INF2: variants seen among roughly 807,000 people sequenced by gnomAD.
The protein encoded by INF2 is inverted formin 2, also known as inverted formin-2.
A neutral mutation model predicts 123.5 loss-of-function variants in INF2; 43 were observed. The ratio of observed to expected loss-of-function variants is 0.35; its 90% CI spans 0.27 to 0.45. The LOEUF (loss-of-function observed/expected upper bound fraction) is 0.45, where lower values mean the gene tolerates loss of function less well. INF2 is among the 20% of genes least tolerant of loss of function. The pLI is 1.00. For missense variants in INF2, 1,453 were observed against 1,682.7 expected, an observed-to-expected ratio of 0.86 and a Z score of 2.39; for synonymous variants, 851 against 745.0, an observed-to-expected ratio of 1.14 and a Z score of -2.32.
chr14:104,712,484 T>C lies in INF2; in HGVS notation c.2541T>C (p.Leu847=). ...AGGCCAGCTCCAACCTGAAGAAGCT[T>C]CTGGAGACCGAGCGGAAGGTGTCTG... ...RSEASSNLKK[L]LETERKVSAS... The change falls in exon 17 of 23, where the codon CTT becomes CTC. Residue 847 remains leucine, a synonymous_variant. Transcript: ENST00000392634. The C allele has an allele frequency of 6.2e-7, 1 of 1,612,660 alleles. No individual in the cohort carries two copies. The highest frequency in any genetic ancestry group is 2.2e-5 in the East Asian group (1 of 44,868).
chr14:104,706,391 G>C (rs544183863), intron 6 of INF2, among the ~76,000 whole-genome samples: 3 of 152,176 alleles, frequency 2.0e-5, no homozygotes, highest in African/African-American at 7.2e-5. Flanking sequence ...TGGGGGCCGG[G>C]CTGGGCCCTG....
chr14:104,715,979 G>A (rs1890283326), intron 22 of INF2: 2 of 455,840 alleles, frequency 4.4e-6, no homozygotes, highest in Non-Finnish European at 8.8e-6. Context: ...CGCACACCGA[G>A]TCTTCTGGGG....
At chr14:104,698,406 G>A (rs924554025) in intron 1 of INF2, among the ~76,000 whole-genome samples, 3 of 152,262 alleles carry the variant, frequency 2.0e-5, no homozygotes, top group African/African-American at 7.2e-5. Context: ...CGCCACCCGC[G>A]TTTAGCAGAG....
Position 104,707,255 on chromosome 14 carries a change from C to T in INF2, c.988C>T (p.Gln330Ter), listed in dbSNP as rs1364651157. Residue 330 changes from glutamine (Q) to a stop codon, truncating the protein, a stop_gained and splice_region_variant, in exon 8 of 23, where the codon CAG becomes TAG. Transcript: ENST00000392634. LOFTEE classifies it high-confidence loss of function. ...NRAVLLASDA[Q>*]ECTLEEVVER... ...ACCCTGGACATCCCCTACTGCAGCC[C>T]AGGAATGCACCCTGGAGGAAGTGGT... 6.2e-7 allele frequency: 1 copy of T among 1,608,178 alleles called. No individual in the cohort carries two copies. Among genetic ancestry groups the T allele is most frequent in the Admixed American group, 1.7e-5 (1 of 59,560 alleles).
In INF2 at chr14:104,706,982, C is replaced by T. The variant is rs542700662; in HGVS notation, c.916C>T (p.Arg306Cys). The T allele has an allele frequency of 2.1e-5, 34 of 1,599,634 alleles. No homozygotes were observed. The East Asian group carries it at 2.5e-4, about 12-fold the overall frequency. The change falls in exon 7 of 23, where the codon CGC (arginine) becomes TGC (cysteine). Residue 306 changes from arginine (R) to cysteine (C), a missense_variant. Around this residue, in one of 8 missense-constraint regions of INF2, gnomAD observed 374 missense variants for 303.7 expected, o/e 1.23. Coordinates refer to ENST00000392634, the MANE Select transcript of INF2 (RefSeq NM_022489.4). The stretch of plus-strand genomic sequence containing the variant: ...CCTCCTGCACCTGGAGCCCACCCTC[C>T]GCTCCAGCCAGCTGCTCTGGGAGGC... ...QGLLHLEPTL[R>C]SSQLLWEALE...
intron 18 of INF2, 53 bp from the exon 19 acceptor site, chr14:104,713,154 G>A (rs1212038866): frequency 1.3e-6 from 2 of 1,584,552 alleles, no homozygotes; most frequent in Non-Finnish European, 1.7e-6. Context: ...CAGGCCCATG[G>A]AGCCCCTGAG....
chr14:104,715,413 C>T, intron 22 of INF2, 73 bp downstream of exon 22: 1 of 1,366,686 alleles, frequency 7.3e-7, no homozygotes, highest in South Asian at 1.2e-5. Context: ...TTGCTGCCCA[C>T]ACCCCTCCGG....
Position 104,718,838 on chromosome 14 carries a change from C to G in INF2, c.*45C>G. 1 of 1,611,632 alleles carries G rather than the reference C, an allele frequency of 6.2e-7. No homozygotes were observed. The highest frequency in any genetic ancestry group is 8.5e-7 in the Non-Finnish European group (1 of 1,179,324). On this transcript the variant is annotated 3_prime_UTR_variant, in exon 23 of 23. Transcript: ENST00000392634. ...AGGCCAAGTGAGAGAGCCCAGGCCA[C>G]AGGACATGCTGCCATTCTGCCAAGA...
At position 104,707,652 on chromosome 14, in the gene INF2, C is replaced by G. The variant is rs1470165589; in HGVS notation, c.1385C>G (p.Pro462Arg). The G allele has an allele frequency of 3.0e-6, 3 of 1,014,252 alleles. No individual in the cohort carries two copies. The highest frequency in any genetic ancestry group is 4.3e-6 in the Non-Finnish European group (3 of 692,004). 62.8% of individuals were successfully genotyped at this position (1,014,252 alleles called of 1,614,324 possible). A position where few individuals can be genotyped will look rare whatever the true frequency, so the allele number is the denominator to read the frequency against. The stretch of plus-strand genomic sequence containing the variant: ...CTCCCAACAGCACCCCCGCCCCCAC[C>G]CCTGCCAGGCCTGGGGGCCATGGCC... ...KALPTAPPPPPLPGLGAMAPP... is the reference protein window; with the variant it reads ...KALPTAPPPPRLPGLGAMAPP... The change falls in exon 8 of 23, where the codon CCC (proline) becomes CGC (arginine). Residue 462 changes from proline to arginine, a missense_variant. Transcript: ENST00000392634.
chr14:104,705,700 C>A (rs570029634), intron 5 of INF2, among the ~76,000 whole-genome samples: 1 of 152,196 alleles, frequency 6.6e-6, no homozygotes, highest in Non-Finnish European at 1.5e-5. Flanking sequence ...CCCAAGGTCA[C>A]GGCCCGGTTC....
At position 104,708,455 on chromosome 14, in the gene INF2, G is replaced by A. The variant is rs375573206; in HGVS notation, c.1755G>A (p.Ala585=). The A allele has an allele frequency of 1.5e-4, 249 of 1,612,328 alleles. 1 individual carries two copies. In the Admixed American group the frequency reaches 1.6e-3, roughly 10 times the overall value. ...CGACAGAGCACAACTCTATGTGGGCGTCCCTGAGCAGCCCCGACGCCGAGG... is the reference window on the plus strand; with the variant it reads ...CGACAGAGCACAACTCTATGTGGGCATCCCTGAGCAGCCCCGACGCCGAGG... ...NVAREHNSMW[A]SLSSPDAEAV... The change falls in exon 9 of 23, where the codon GCG becomes GCA. Residue 585 remains alanine (A), a synonymous_variant. Coordinates refer to ENST00000392634, the MANE Select transcript of INF2 (RefSeq NM_022489.4).
chr14:104,707,702 C>T lies in INF2; in HGVS notation c.1435C>T (p.Pro479Ser). ...MAPPAPPLPP[P>S]LPGSCEFLPP... is the part of the protein sequence containing the mutation. ...CCCCCCAGCACCTCCTCTACCACCA[C>T]CCCTGCCAGGCTCCTGTGAGTTCCT... Residue 479 changes from proline to serine, a missense_variant, in exon 8 of 23, where the codon CCC becomes TCC. Transcript: ENST00000392634. 1 of 1,200,802 alleles carries T rather than the reference C, an allele frequency of 8.3e-7. No homozygotes were observed. Among genetic ancestry groups the T allele is most frequent in the South Asian group, 1.3e-5 (1 of 76,828 alleles). The allele number at this position is 1,200,802 out of a possible 1,614,324, so 74.4% of individuals were successfully genotyped here.
intron 22 of INF2, 65 bp downstream of exon 22, chr14:104,715,405 G>C (rs1317187424): frequency 1.4e-6 from 2 of 1,423,558 alleles, no homozygotes; most frequent in East Asian, 4.5e-5. Flanking sequence ...GCTGGAGCTT[G>C]CTGCCCACAC....
chr14:104,704,341 G>A lies in INF2; in HGVS notation c.701+392G>A, dbSNP rs942640372. On this transcript the variant is annotated intron_variant, in intron 5 of 22. Coordinates refer to ENST00000392634, the MANE Select transcript of INF2 (RefSeq NM_022489.4). ...GAGACAGGGACACGGGCTCCAGGGC[G>A]AGAGTTGAAAAACTACCTACAGGGT... The A allele has an allele frequency of 4.6e-5, 19 of 412,326 alleles. 1 individual carries two copies. Among genetic ancestry groups the A allele is most frequent in the African/African-American group, 1.2e-4 (6 of 49,714 alleles). The allele number at this position is 412,326 out of a possible 1,614,324, so 25.5% of individuals were successfully genotyped here.
intron 5 of INF2, 145 bp downstream of exon 5, chr14:104,704,094 C>T: frequency 1.3e-6 from 2 of 1,499,596 alleles, no homozygotes; most frequent in South Asian, 2.5e-5. Context: ...CCCAGGGGTC[C>T]AGCCAGAAGC....
At chr14:104,706,813 G>C (rs1889799495) in intron 6 of INF2, 97 bp from the exon 7 acceptor site, 1 of 1,381,336 alleles carries the variant, frequency 7.2e-7, no homozygotes, top group Non-Finnish European at 9.9e-7. Flanking sequence ...GGAATAGAGG[G>C]GGTGATGGGG....
At position 104,699,277 on chromosome 14, in the gene INF2, C is replaced by A. The variant is rs928786919; in HGVS notation, c.-9-2080C>A. 2.1e-5 allele frequency: 10 copies of A among 468,812 alleles called. No homozygotes were observed. The highest frequency in any genetic ancestry group is 2.8e-5 in the Non-Finnish European group (10 of 358,040). The allele number at this position is 468,812 out of a possible 1,614,324, so 29.0% of individuals were successfully genotyped here. On this transcript the variant is annotated intron_variant, in intron 1 of 22. Coordinates refer to ENST00000392634, the MANE Select transcript of INF2 (RefSeq NM_022489.4). This position sits in a 1 kb window ranked among gnomAD's most constrained non-coding sequence, Gnocchi z 4.7. The stretch of plus-strand genomic sequence containing the variant: ...AGAGTTCATAACTCCGTCCACTCAG[C>A]CTGTGCCAAGGGGACAGGGACTCCG...
intron 1 of INF2, chr14:104,700,759 C>T: frequency 3.8e-6 from 3 of 790,150 alleles, no homozygotes; most frequent in Non-Finnish European, 4.6e-6. Context: ...GTGTGGGCCC[C>T]CTACCCACAT....
intron 4 of INF2, 147 bp downstream of exon 4, chr14:104,703,601 A>C: frequency 8.9e-7 from 1 of 1,123,394 alleles, no homozygotes; most frequent in Non-Finnish European, 1.3e-6. Context: ...CGGGCCTGCC[A>C]CCACCTGCCC....
Sources: gnomAD v4.1 joint callset for allele counts (sites outside exome capture counted in the v4.1 genomes callset) on GRCh38, gnomAD v4.1.1 for gene constraint, gnomAD v4.1.1 regional missense constraint, Gnocchi (gnomAD v3.1) non-coding constraint, MANE v1.5 for transcripts, NCBI Gene and HGNC (gene_info 2026-07-23, HGNC 2026-07-21) for gene names.